Variants in LARP4B observed in about 807,000 individuals in gnomAD.
LARP4B encodes la-related protein 4B.
Under a neutral mutation model 89.8 loss-of-function variants are expected in LARP4B, and 12 were observed. The ratio of observed to expected loss-of-function variants is 0.13; its 90% CI spans 0.09 to 0.22. The LOEUF (loss-of-function observed/expected upper bound fraction) is 0.22. Among genes scored for constraint, LARP4B ranks in the 10% least tolerant of loss-of-function variants. The pLI is 1.00. For synonymous variants in LARP4B, 367 were observed against 363.3 expected (o/e 1.01, Z -0.12); for missense variants, 757 against 947.7 (o/e 0.80, Z 2.64).
downstream of LARP4B, chr10:809,358 A>G (rs571407437): frequency 6.6e-6 from 1 of 152,396 alleles, no homozygotes; most frequent in African/African-American, 2.4e-5. Context: ...CTGAACCACT[A>G]AAACACAAAG....
intron 1 of LARP4B, among the ~76,000 whole-genome samples, chr10:912,588 A>G (rs1490248610): frequency 1.3e-5 from 2 of 151,830 alleles, no homozygotes; most frequent in Admixed American, 6.6e-5. Flanking sequence ...ATGACGTTCT[A>G]TGGCCGAGCG....
intron 1 of LARP4B, among the ~76,000 whole-genome samples, chr10:926,843 C>T (rs1189422948): frequency 6.6e-6 from 1 of 152,144 alleles, no homozygotes; most frequent in African/African-American, 2.4e-5. Context: ...TCAAGACCAG[C>T]CTGGCCAACA....
chr10:937,463 G>C, the LARP4B span, among the ~76,000 whole-genome samples: 2 of 152,180 alleles, frequency 1.3e-5, no homozygotes, highest in African/African-American at 4.8e-5. Flanking sequence ...CCACCTCAAA[G>C]CTTATTAATT....
chr10:867,863 A>G (rs375861772), intron 3 of LARP4B, among the ~76,000 whole-genome samples: 13 of 131,616 alleles, frequency 9.9e-5, no homozygotes, highest in African/African-American at 2.4e-4. Flanking sequence ...TCCATCCTTG[A>G]AAAAAAAAAA....
At chr10:879,759 C>T (rs929747167) in intron 3 of LARP4B, among the ~76,000 whole-genome samples, 1 of 150,664 alleles carries the variant, frequency 6.6e-6, no homozygotes, top group Non-Finnish European at 1.5e-5. Context: ...TGAGCCACTA[C>T]ATCCGGCCAA....
At chr10:977,522 G>C in the LARP4B span, among the ~76,000 whole-genome samples, 1 of 151,158 alleles carries the variant, frequency 6.6e-6, no homozygotes, top group Non-Finnish European at 1.5e-5. Flanking sequence ...CTGGGTCTGG[G>C]CTACAAAGCA....
chr10:879,483 A>G (rs1835585056), intron 3 of LARP4B, among the ~76,000 whole-genome samples: 1 of 151,750 alleles, frequency 6.6e-6, no homozygotes, highest in African/African-American at 2.4e-5. Flanking sequence ...ATCCTTAAGG[A>G]AAGTTCTTAG....
chr10:830,730 A>G (rs1832860517), intron 9 of LARP4B, 137 bp downstream of exon 9: 1 of 540,952 alleles, frequency 1.8e-6, no homozygotes, highest in Non-Finnish European at 3.3e-6. Context: ...AAGTTTCTAC[A>G]ACTTGATTTC....
chr10:931,448 C>G lies in LARP4B; in HGVS notation c.-60G>C, dbSNP rs2132075830. 1 of 148,200 alleles carries G rather than the reference C, an allele frequency of 6.7e-6. No individual in the cohort carries two copies. Among genetic ancestry groups the G allele is most frequent in the Non-Finnish European group, 1.5e-5 (1 of 66,328 alleles). 9.2% of individuals were successfully genotyped at this position (148,200 alleles called of 1,614,324 possible). Reference sequence around the variant, plus strand: ...CTCACCTGTCAGCGCCGCCGCCCCGCCCGACCGGCCGCCCGCGGGCTCCTC... The same window carrying G: ...CTCACCTGTCAGCGCCGCCGCCCCGGCCGACCGGCCGCCCGCGGGCTCCTC... On this transcript the variant is annotated 5_prime_UTR_variant, in exon 1 of 18. Coordinates refer to ENST00000316157, the MANE Select transcript of LARP4B (RefSeq NM_015155.3).
At chr10:932,037 C>T (rs925191753), upstream of LARP4B, among the ~76,000 whole-genome samples, 23 of 142,482 alleles carry the variant, frequency 1.6e-4, no homozygotes, top group African/African-American at 5.3e-4. Context: ...CGCTGGGGGG[C>T]CGTGTGGGCC....
chr10:875,580 T>C (rs1263016995), intron 3 of LARP4B, among the ~76,000 whole-genome samples: 1 of 152,198 alleles, frequency 6.6e-6, no homozygotes, highest in Non-Finnish European at 1.5e-5. Flanking sequence ...TGGGGCAATT[T>C]ATAAAGAACA....
chr10:951,305 T>C, the LARP4B span, among the ~76,000 whole-genome samples: 23 of 152,094 alleles, frequency 1.5e-4, no homozygotes, highest in African/African-American at 1.2e-4. Context: ...TCCCAGCACT[T>C]TGGGAGGCTG....
chr10:864,362 G>T, intron 3 of LARP4B, 92 bp from the exon 4 acceptor site: 1 of 1,190,598 alleles, frequency 8.4e-7, no homozygotes, highest in Non-Finnish European at 1.2e-6. Context: ...ATCAGATATA[G>T]GCTCCAAAGG....
the LARP4B span, chr10:972,987 T>A: frequency 2.5e-6 from 1 of 405,654 alleles, no homozygotes; most frequent in Non-Finnish European, 4.9e-6. Context: ...GCGTTACCAC[T>A]GTGATTCTGT....
the LARP4B span, chr10:988,330 G>A: frequency 1.5e-6 from 1 of 663,276 alleles, no homozygotes. Flanking sequence ...TGCGCTGTGC[G>A]ACGCGGAAAG....
chr10:854,119 C>A (rs186657869), intron 5 of LARP4B, among the ~76,000 whole-genome samples: 1 of 152,352 alleles, frequency 6.6e-6, no homozygotes, highest in East Asian at 1.9e-4. Flanking sequence ...AAGTTTTACA[C>A]ATTCAAGTTG....
intron 3 of LARP4B, among the ~76,000 whole-genome samples, chr10:868,378 TAAAAAAAAA>T (rs35215345): frequency 8.1e-6 from 1 of 123,462 alleles, no homozygotes; most frequent in African/African-American, 3.0e-5. Flanking sequence ...AAGATTTGCT[TAAAAAAAAA>T]AAAAAAAAAA....
chr10:901,064 C>T (rs373992501), intron 1 of LARP4B, among the ~76,000 whole-genome samples: 60 of 151,398 alleles, frequency 4.0e-4, no homozygotes, highest in African/African-American at 1.4e-3. Flanking sequence ...GGATTACAGG[C>T]ACCTGCCACC....
chr10:877,595 C>T (rs1305381886), intron 3 of LARP4B, among the ~76,000 whole-genome samples: 1 of 152,160 alleles, frequency 6.6e-6, no homozygotes, highest in Non-Finnish European at 1.5e-5. Context: ...TTACTTAAAC[C>T]TCTTTGTGTC....
Sources: allele counts gnomAD v4.1 joint callset (sites outside exome capture counted in the v4.1 genomes callset), GRCh38; gene constraint gnomAD v4.1.1; transcripts MANE v1.5; gene names NCBI Gene and HGNC (gene_info 2026-07-23, HGNC 2026-07-21).